The following FGGY variants were observed in gnomAD, a reference collection of about 807,000 sequenced individuals.
The protein encoded by FGGY is FGGY carbohydrate kinase domain containing, also known as FGGY carbohydrate kinase domain-containing protein.
In FGGY, 72 loss-of-function variants were observed where a neutral mutation model predicts 71.3. The ratio of observed to expected loss-of-function variants is 1.01; its 90% CI spans 0.84 to 1.23. The LOEUF (loss-of-function observed/expected upper bound fraction) is 1.23. FGGY is among the 50% of genes most tolerant of loss of function. The pLI is 0.00. For synonymous variants in FGGY, 251 were observed against 250.3 expected, an observed-to-expected ratio of 1.00 and a Z score of -0.02; for missense variants, 668 against 682.3, an observed-to-expected ratio of 0.98 and a Z score of 0.23.
chr1:59,641,778 A>G (rs530276313), intron 11 of FGGY, among the ~76,000 whole-genome samples: 1 of 152,194 alleles, frequency 6.6e-6, no homozygotes. Context: ...GATGAATGCA[A>G]CTTGTTTGAT....
chr1:59,409,596 T>TATATATATATATATATATATATATATA (rs1557833921), intron 5 of FGGY, among the ~76,000 whole-genome samples: 2 of 84,040 alleles, frequency 2.4e-5, no homozygotes, highest in African/African-American at 8.0e-5. Context: ...AGGAAGAGTT[T>TATATATATATATATATATATATATATA]TTTATATATA....
At chr1:59,491,045 T>C (rs868124122) in intron 6 of FGGY, among the ~76,000 whole-genome samples, 2 of 1,722 alleles carry the variant, frequency 1.2e-3, no homozygotes, top group Admixed American at 0.01. Flanking sequence ...TTTCCTTCCT[T>C]CCTTCCTTCC....
At chr1:59,664,355 C>T (rs1329468266) in intron 12 of FGGY, among the ~76,000 whole-genome samples, 1 of 152,230 alleles carries the variant, frequency 6.6e-6, no homozygotes, top group Non-Finnish European at 1.5e-5. Context: ...AACCGCCAGA[C>T]TGAGTGGGAA....
chr1:59,666,286 G>A (rs1352983353), intron 12 of FGGY, among the ~76,000 whole-genome samples: 1 of 152,068 alleles, frequency 6.6e-6, no homozygotes, highest in Non-Finnish European at 1.5e-5. Context: ...TCAAAGACTT[G>A]CTACCCACCA....
At chr1:59,309,185 T>TC (rs746316651) in intron 1 of FGGY, among the ~76,000 whole-genome samples, 2 of 152,202 alleles carry the variant, frequency 1.3e-5, no homozygotes, top group Non-Finnish European at 2.9e-5. Context: ...ACAGCCTGTT[T>TC]CCCACACTTT....
chr1:59,369,484 G>A (rs1041195633), intron 4 of FGGY, among the ~76,000 whole-genome samples: 2 of 152,172 alleles, frequency 1.3e-5, no homozygotes, highest in Admixed American at 6.5e-5. Context: ...CTGGGGGCAG[G>A]GCACAGACAA....
intron 7 of FGGY, among the ~76,000 whole-genome samples, chr1:59,534,858 T>C (rs1415436831): frequency 1.3e-5 from 2 of 151,992 alleles, no homozygotes; most frequent in African/African-American, 4.8e-5. Context: ...GAAAAACCAG[T>C]ACCAGCCACT....
intron 15 of FGGY, among the ~76,000 whole-genome samples, chr1:59,760,218 A>T (rs978597144): frequency 3.9e-5 from 6 of 152,190 alleles, no homozygotes; most frequent in Non-Finnish European, 8.8e-5. Context: ...ATTCAACAGC[A>T]CTATTAGGAA....
Position 59,457,019 on chromosome 1 carries a change from A to C in FGGY, c.613A>C (p.Ser205Arg). Residue 205 changes from serine to arginine, a missense_variant, in exon 6 of 16, where the codon AGT becomes CGT. Physicochemically the swap from Ser to Arg is moderately radical, Grantham distance 110. Transcript: ENST00000303721. ...TTCAGCAGAGAAAGGCTGGGACGAC[A>C]GTTTCTGGAAAATGATTGGTTTGGA... is the stretch of plus-strand genomic sequence containing the variant. ...TYSAEKGWDDSFWKMIGLEDF... is the reference protein window; with the variant it reads ...TYSAEKGWDDRFWKMIGLEDF... 1.2e-6 allele frequency: 2 copies of C among 1,614,150 alleles called. No individual in the cohort carries two copies. The highest frequency in any genetic ancestry group is 1.7e-6 in the Non-Finnish European group (2 of 1,180,000).
intron 14 of FGGY, among the ~76,000 whole-genome samples, chr1:59,750,976 A>G (rs1300944313): frequency 6.6e-6 from 1 of 151,952 alleles, no homozygotes; most frequent in African/African-American, 2.4e-5. Flanking sequence ...GTCTCACTCC[A>G]GGTAATCACA....
intron 9 of FGGY, among the ~76,000 whole-genome samples, chr1:59,621,090 CT>C (rs1327063490): frequency 6.6e-6 from 1 of 151,962 alleles, no homozygotes; most frequent in Admixed American, 6.6e-5. Flanking sequence ...CTCACATGGC[CT>C]TTTCTCAGTA....
chr1:59,490,344 G>A (rs2093789892), intron 6 of FGGY, among the ~76,000 whole-genome samples: 3 of 152,134 alleles, frequency 2.0e-5, no homozygotes, highest in Admixed American at 2.0e-4. Context: ...GTCACCATTT[G>A]CCAATATTTA....
chr1:59,401,130 C>T (rs775228769), intron 5 of FGGY, among the ~76,000 whole-genome samples: 10 of 152,040 alleles, frequency 6.6e-5, no homozygotes, highest in East Asian at 1.9e-4. Flanking sequence ...TCTTAGTGTT[C>T]GGTTTAACTA....
intron 7 of FGGY, among the ~76,000 whole-genome samples, chr1:59,553,065 A>C (rs548982246): frequency 2.0e-5 from 3 of 152,274 alleles, no homozygotes; most frequent in African/African-American, 4.8e-5. Flanking sequence ...CCTGACAGCG[A>C]GGTTGGGGGA....
chr1:59,588,626 G>C (rs923558908), intron 8 of FGGY, among the ~76,000 whole-genome samples: 9 of 152,126 alleles, frequency 5.9e-5, no homozygotes, highest in African/African-American at 2.2e-4. Flanking sequence ...GAGAGTGGGG[G>C]CCAATATTTA....
At chr1:59,441,465 C>G (rs1443933671) in intron 5 of FGGY, among the ~76,000 whole-genome samples, 1 of 152,166 alleles carries the variant, frequency 6.6e-6, no homozygotes, top group African/African-American at 2.4e-5. Context: ...TAGCTGACAA[C>G]CCATCTCAGT....
At chr1:59,711,619 C>G (rs375649039) in intron 14 of FGGY, among the ~76,000 whole-genome samples, 73 of 152,288 alleles carry the variant, frequency 4.8e-4, no homozygotes, top group African/African-American at 1.6e-3. Context: ...TTCCATGTGG[C>G]TGGAGAGGCC....
intron 11 of FGGY, among the ~76,000 whole-genome samples, chr1:59,657,763 G>A (rs944796242): frequency 6.6e-6 from 1 of 152,184 alleles, no homozygotes; most frequent in African/African-American, 2.4e-5. Flanking sequence ...TCTATATGAG[G>A]TACAGGGACC....
At chr1:59,466,474 G>A (rs926905458) in intron 6 of FGGY, among the ~76,000 whole-genome samples, 6 of 152,100 alleles carry the variant, frequency 3.9e-5, no homozygotes, top group African/African-American at 1.4e-4. Context: ...AACACCAAAA[G>A]CAATGGCACC....
Sources: allele counts gnomAD v4.1 joint callset (sites outside exome capture counted in the v4.1 genomes callset), GRCh38; gene constraint gnomAD v4.1.1; transcripts MANE v1.5; gene names NCBI Gene and HGNC (gene_info 2026-07-23, HGNC 2026-07-21).